The following LRMDA variants were observed in gnomAD, a reference collection of about 807,000 sequenced individuals.
LRMDA encodes the protein leucine-rich melanocyte differentiation-associated protein.
LRMDA carries 18 observed loss-of-function variants against 29.8 expected under a neutral mutation model. The observed-to-expected ratio is 0.60, with a 90% CI of 0.42 to 0.90. The LOEUF is 0.90. Among genes scored for constraint, LRMDA ranks in the 40% least tolerant of loss-of-function variants. LRMDA has a pLI of 0.00. For missense variants in LRMDA, 273 were observed against 273.9 expected (o/e 1.00, Z 0.02); for synonymous variants, 125 against 109.4 (o/e 1.14, Z -0.89).
At chr10:75,554,805 A>G (rs1840194191) in intron 2 of LRMDA, among the ~76,000 whole-genome samples, 1 of 152,250 alleles carries the variant, frequency 6.6e-6, no homozygotes, top group Non-Finnish European at 1.5e-5. Flanking sequence ...CCTCATCTGT[A>G]AAATGAGGAT....
chr10:76,353,905 A>G (rs993431932), intron 6 of LRMDA, among the ~76,000 whole-genome samples: 1 of 152,144 alleles, frequency 6.6e-6, no homozygotes, highest in Non-Finnish European at 1.5e-5. Context: ...CCTAATACCA[A>G]AGATTTTTAA....
intron 2 of LRMDA, among the ~76,000 whole-genome samples, chr10:75,442,038 G>GCA (rs1444434784): frequency 6.6e-6 from 1 of 152,180 alleles, no homozygotes; most frequent in Admixed American, 6.5e-5. Flanking sequence ...GTTTCCCTTT[G>GCA]CACAGCTAAG....
chr10:76,074,843 C>T (rs1848932445), intron 5 of LRMDA, among the ~76,000 whole-genome samples: 1 of 152,116 alleles, frequency 6.6e-6, no homozygotes, highest in African/African-American at 2.4e-5. Context: ...ACTGCTGTAA[C>T]AAACAGTCCC....
At chr10:75,801,730 G>A (rs764628342) in intron 2 of LRMDA, among the ~76,000 whole-genome samples, 2 of 152,100 alleles carry the variant, frequency 1.3e-5, no homozygotes, top group Non-Finnish European at 2.9e-5. Flanking sequence ...TTGAACTTCG[G>A]CATTTGCTCT....
rs548125158 is a variant in LRMDA, at chr10:75,677,489, A to G, written c.131+238995A>G. ...TGTTATTTCATTTTTTAAAAAAGCT[A>G]CAGTTCACTGAGTCTACAATGCATA... On this transcript the variant is annotated intron_variant, in intron 2 of 6. Coordinates refer to ENST00000611255, the MANE Select transcript of LRMDA (RefSeq NM_001305581.2). Among the ~76,000 whole-genome samples, 24 of 152,312 alleles carry G rather than the reference A, an allele frequency of 1.6e-4. No homozygotes were observed. In the South Asian group the frequency reaches 4.6e-3, roughly 29 times the overall value.
intron 2 of LRMDA, among the ~76,000 whole-genome samples, chr10:75,899,033 A>G (rs1845629249): frequency 6.6e-6 from 1 of 152,214 alleles, no homozygotes; most frequent in Non-Finnish European, 1.5e-5. Flanking sequence ...TGCATTGGTT[A>G]CCAAGAAGCA....
At chr10:76,343,131 G>T (rs1358051984) in intron 6 of LRMDA, among the ~76,000 whole-genome samples, 2 of 152,160 alleles carry the variant, frequency 1.3e-5, no homozygotes, top group Non-Finnish European at 2.9e-5. Context: ...AGTACAAGCT[G>T]GCTTTTGCAT....
rs1564557480 is a variant in LRMDA, at chr10:76,492,665, A to G, written c.602-64544A>G. 2.6e-5 allele frequency among the ~76,000 whole-genome samples: 4 copies of G among 152,176 alleles called. No individual in the cohort carries two copies. In the South Asian group the frequency reaches 8.3e-4, roughly 32 times the overall value. On this transcript the variant is annotated intron_variant, in intron 6 of 6. Transcript: ENST00000611255. ...CCTGAGACTGGGTAATTTACAAAGG[A>G]AAGAGGTTTAATTGACTCACAGTTC...
At chr10:76,323,940 A>T (rs370587499) in intron 5 of LRMDA, among the ~76,000 whole-genome samples, 41 of 152,338 alleles carry the variant, frequency 2.7e-4, no homozygotes, top group African/African-American at 9.6e-4. Flanking sequence ...CATTCTGCCA[A>T]GTCTTTCATG....
At chr10:75,664,012 C>T (rs749601673) in intron 2 of LRMDA, among the ~76,000 whole-genome samples, 1 of 152,156 alleles carries the variant, frequency 6.6e-6, no homozygotes, top group African/African-American at 2.4e-5. Flanking sequence ...CTCAGGAACT[C>T]TATCAGGGAC....
intron 2 of LRMDA, among the ~76,000 whole-genome samples, chr10:76,007,683 T>G (rs1487888210): frequency 1.3e-5 from 2 of 152,182 alleles, no homozygotes; most frequent in Non-Finnish European, 2.9e-5. Context: ...ATTTCCAGAC[T>G]AATTTACTAT....
chr10:75,977,859 C>T (rs1333107683), intron 2 of LRMDA, among the ~76,000 whole-genome samples: 1 of 152,176 alleles, frequency 6.6e-6, no homozygotes, highest in Admixed American at 6.5e-5. Context: ...ACTTATTAGT[C>T]GTGTGACCTT....
chr10:76,474,152 T>G (rs1842644447), intron 6 of LRMDA, among the ~76,000 whole-genome samples: 1 of 151,710 alleles, frequency 6.6e-6, no homozygotes, highest in Non-Finnish European at 1.5e-5. Context: ...GGTAACTGGA[T>G]AGTCACTTGC....
At chr10:75,837,189 A>G (rs1362543843) in intron 2 of LRMDA, among the ~76,000 whole-genome samples, 1 of 152,154 alleles carries the variant, frequency 6.6e-6, no homozygotes, top group Non-Finnish European at 1.5e-5. Context: ...GTAAAACCAT[A>G]TTCTAATTGT....
chr10:76,147,905 A>G (rs1381667480), intron 5 of LRMDA, among the ~76,000 whole-genome samples: 4 of 152,142 alleles, frequency 2.6e-5, no homozygotes, highest in African/African-American at 9.7e-5. Flanking sequence ...CTTCTAACAG[A>G]CTGGACCCTC....
intron 2 of LRMDA, among the ~76,000 whole-genome samples, chr10:75,751,064 G>A (rs1169864791): frequency 1.3e-5 from 2 of 152,190 alleles, no homozygotes; most frequent in Admixed American, 6.5e-5. Flanking sequence ...CTGCAATCCC[G>A]GCACCTCCGG....
chr10:75,542,648 G>GA (rs2132049696), intron 2 of LRMDA, among the ~76,000 whole-genome samples: 1 of 152,326 alleles, frequency 6.6e-6, no homozygotes, highest in Admixed American at 6.5e-5. Flanking sequence ...AACATTTAGT[G>GA]AAATAGTACA....
At chr10:75,491,514 G>A (rs1844987188) in intron 2 of LRMDA, among the ~76,000 whole-genome samples, 1 of 152,140 alleles carries the variant, frequency 6.6e-6, no homozygotes, top group African/African-American at 2.4e-5. Context: ...GGTTTAAGAA[G>A]CCGCCAGGGC....
chr10:75,747,526 G>C (rs1280713400), intron 2 of LRMDA, among the ~76,000 whole-genome samples: 1 of 152,208 alleles, frequency 6.6e-6, no homozygotes, highest in African/African-American at 2.4e-5. Context: ...CCCCTAAAGA[G>C]ATAACTGGGA....
Sources: gnomAD v4.1 joint callset for allele counts (sites outside exome capture counted in the v4.1 genomes callset) on GRCh38, gnomAD v4.1.1 for gene constraint, MANE v1.5 for transcripts, NCBI Gene and HGNC (gene_info 2026-07-23, HGNC 2026-07-21) for gene names.